The following PLCB4 variants were observed in gnomAD, a reference collection of about 807,000 sequenced individuals.
The protein encoded by PLCB4 is phospholipase C beta 4, also known as 1-phosphatidylinositol 4,5-bisphosphate phosphodiesterase beta-4.
PLCB4 carries 77 observed loss-of-function variants against 178.8 expected under a neutral mutation model. The ratio of observed to expected loss-of-function variants is 0.43; its 90% CI spans 0.36 to 0.52. The LOEUF (loss-of-function observed/expected upper bound fraction) is 0.52, where lower values mean the gene tolerates loss of function less well. Among genes scored for constraint, PLCB4 ranks in the 20% least tolerant of loss-of-function variants. The pLI is 0.00. For synonymous variants in PLCB4, 496 were observed against 490.8 expected (o/e 1.01, Z -0.14); for missense variants, 1,024 against 1,453.4 (o/e 0.70, Z 4.80).
At chr20:9,422,608 A>G (rs149550960) in intron 27 of PLCB4, among the ~76,000 whole-genome samples, 8 of 152,374 alleles carry the variant, frequency 5.3e-5, no homozygotes, top group African/African-American at 1.4e-4. Flanking sequence ...GAAAATACCC[A>G]GCTTAGTGTT....
intron 7 of PLCB4, among the ~76,000 whole-genome samples, chr20:9,350,216 T>A (rs932035477): frequency 6.6e-6 from 1 of 152,088 alleles, no homozygotes; most frequent in Non-Finnish European, 1.5e-5. Flanking sequence ...GCCTAAAATA[T>A]TTATTATCTG....
At chr20:9,202,818 C>G (rs59458467) in intron 2 of PLCB4, among the ~76,000 whole-genome samples, 5 of 151,956 alleles carry the variant, frequency 3.3e-5, no homozygotes, top group Non-Finnish European at 7.4e-5. Flanking sequence ...AGAAATTACT[C>G]CAGGCTATGC....
chr20:9,306,113 C>T lies in PLCB4; in HGVS notation c.-15-1687C>T, dbSNP rs140739964. Among the ~76,000 whole-genome samples the T allele has an allele frequency of 6.1e-3, 925 of 151,996 alleles. 7 individuals carry two copies. Among genetic ancestry groups the T allele is most frequent in the African/African-American group, 0.021 (851 of 41,448 alleles). Reference sequence around the variant, plus strand: ...CTCCATATAAGGTTGGTAAACCTTTCCTTTCTATTTTCTATATCTCTAACT... The same window carrying T: ...CTCCATATAAGGTTGGTAAACCTTTTCTTTCTATTTTCTATATCTCTAACT... On this transcript the variant is annotated intron_variant, in intron 3 of 39. Coordinates refer to ENST00000378473, the MANE Select transcript of PLCB4 (RefSeq NM_001377142.1).
intron 7 of PLCB4, among the ~76,000 whole-genome samples, chr20:9,356,699 A>G (rs1463484995): frequency 6.6e-6 from 1 of 152,236 alleles, no homozygotes; most frequent in African/African-American, 2.4e-5. Flanking sequence ...CAAAAACTAT[A>G]TTTCAAATTA....
intron 2 of PLCB4, among the ~76,000 whole-genome samples, chr20:9,108,849 A>G (rs546669644): frequency 2.6e-5 from 4 of 151,762 alleles, no homozygotes; most frequent in South Asian, 4.2e-4. Context: ...AGCAAAGCCA[A>G]TTGCAGGAGA....
chr20:9,259,975 A>G (rs1038305615), intron 3 of PLCB4, among the ~76,000 whole-genome samples: 2 of 152,144 alleles, frequency 1.3e-5, no homozygotes, highest in African/African-American at 2.4e-5. Flanking sequence ...TGTGACTTAC[A>G]CTATACTTTT....
intron 32 of PLCB4, among the ~76,000 whole-genome samples, chr20:9,451,798 A>G (rs926447351): frequency 5.3e-5 from 8 of 152,216 alleles, no homozygotes; most frequent in South Asian, 4.1e-4. Context: ...TTTAATCCTA[A>G]CAACCCTATG....
At chr20:9,268,279 T>A (rs528513450) in intron 3 of PLCB4, among the ~76,000 whole-genome samples, 8 of 152,206 alleles carry the variant, frequency 5.3e-5, no homozygotes, top group South Asian at 2.1e-4. Context: ...GGGTCTAGGG[T>A]CTTGATCAGT....
chr20:9,294,575 T>C (rs956444543), intron 3 of PLCB4, among the ~76,000 whole-genome samples: 2 of 152,186 alleles, frequency 1.3e-5, no homozygotes, highest in Admixed American at 6.5e-5. Flanking sequence ...TAGTTCCGAA[T>C]ACCTAGCCAG....
At chr20:9,402,495 A>T (rs146446984) in intron 20 of PLCB4, among the ~76,000 whole-genome samples, 21 of 152,324 alleles carry the variant, frequency 1.4e-4, no homozygotes, top group Non-Finnish European at 2.8e-4. Context: ...GAAATGTGAC[A>T]CTACTGAAAA....
At chr20:9,307,494 T>TATATACACACACACACACAC (rs1396442853) in intron 3 of PLCB4, among the ~76,000 whole-genome samples, 5 of 138,090 alleles carry the variant, frequency 3.6e-5, no homozygotes, top group African/African-American at 1.4e-4. Context: ...AAAAAAAGAA[T>TATATACACACACACACACAC]ACACACACAC....
chr20:9,261,813 C>T (rs1057464590), intron 3 of PLCB4, among the ~76,000 whole-genome samples: 1 of 152,114 alleles, frequency 6.6e-6, no homozygotes, highest in Non-Finnish European at 1.5e-5. Flanking sequence ...ACTGGCTGTG[C>T]ACTTCGATAC....
chr20:9,239,831 C>T (rs8123624), intron 3 of PLCB4, among the ~76,000 whole-genome samples: 16,261 of 152,120 alleles, frequency 0.11, 2,344 homozygotes, highest in African/African-American at 0.33. Context: ...TCAGAGCCCC[C>T]GGCAAACCAC....
chr20:9,163,885 G>C (rs2092928457), intron 2 of PLCB4, among the ~76,000 whole-genome samples: 1 of 151,922 alleles, frequency 6.6e-6, no homozygotes, highest in Non-Finnish European at 1.5e-5. Context: ...ATAATAAATT[G>C]AAATAATAGA....
At chr20:9,389,987 C>G in intron 16 of PLCB4, 29 bp downstream of exon 16, 1 of 1,201,236 alleles carries the variant, frequency 8.3e-7, no homozygotes, top group Non-Finnish European at 1.2e-6. Context: ...CCACAAGTCT[C>G]TATGTGGTAT....
intron 31 of PLCB4, 52 bp downstream of exon 31, chr20:9,444,082 A>T: frequency 6.4e-6 from 9 of 1,395,986 alleles, no homozygotes; most frequent in African/African-American, 1.4e-5. Context: ...CATATTGGTG[A>T]CACCAATATA....
intron 38 of PLCB4, among the ~76,000 whole-genome samples, chr20:9,474,490 CCT>C: frequency 6.6e-6 from 1 of 152,218 alleles, no homozygotes; most frequent in South Asian, 2.1e-4. Context: ...AGTTATTATT[CCT>C]AGGTAATTCA....
chr20:9,158,629 A>C (rs1474082676), intron 2 of PLCB4, among the ~76,000 whole-genome samples: 5 of 150,968 alleles, frequency 3.3e-5, no homozygotes, highest in Admixed American at 3.3e-4. Context: ...GAAACCTTAC[A>C]CCTCTATCTT....
At chr20:9,471,986 C>T (rs968799916) in intron 36 of PLCB4, among the ~76,000 whole-genome samples, 10 of 152,238 alleles carry the variant, frequency 6.6e-5, no homozygotes, top group South Asian at 2.1e-4. Flanking sequence ...CCCACGCACC[C>T]GATCGTTGTA....
Sources: gnomAD v4.1 joint callset for allele counts (sites outside exome capture counted in the v4.1 genomes callset) on GRCh38, gnomAD v4.1.1 for gene constraint, MANE v1.5 for transcripts, NCBI Gene and HGNC (gene_info 2026-07-23, HGNC 2026-07-21) for gene names.